ALK: variants seen among roughly 807,000 people sequenced by gnomAD.
ALK encodes ALK receptor tyrosine kinase.
A neutral mutation model predicts 163.1 loss-of-function variants in ALK; 74 were observed. The observed-to-expected ratio is 0.45, with a 90% CI of 0.38 to 0.55. The LOEUF (loss-of-function observed/expected upper bound fraction) is 0.55. Ranked by LOEUF, ALK falls within the 20% of genes least tolerant of loss-of-function variation. The pLI, the probability that ALK is intolerant of heterozygous loss-of-function variation, is 0.00. For synonymous variants in ALK, 960 were observed against 843.2 expected (o/e 1.14, Z -2.40); for missense variants, 2,063 against 2,105.3 (o/e 0.98, Z 0.39).
chr2:29,402,823 A>G (rs6732497), intron 4 of ALK, among the ~76,000 whole-genome samples: 3,931 of 152,236 alleles, frequency 0.026, 169 homozygotes, highest in African/African-American at 0.09. Context: ...CTCGCCAAGC[A>G]GCTCCAGCAC....
chr2:29,865,135 C>T (rs1046809151), intron 1 of ALK, among the ~76,000 whole-genome samples: 4 of 152,236 alleles, frequency 2.6e-5, no homozygotes, highest in Non-Finnish European at 5.9e-5. Flanking sequence ...GTCTTCCCAA[C>T]ATTGCCATGA....
At chr2:29,651,205 T>G (rs1677025886) in intron 3 of ALK, among the ~76,000 whole-genome samples, 2 of 152,118 alleles carry the variant, frequency 1.3e-5, no homozygotes, top group South Asian at 4.1e-4. Flanking sequence ...TCCAGACCAC[T>G]CTTCCTGACA....
intron 4 of ALK, among the ~76,000 whole-genome samples, chr2:29,483,450 G>A (rs1671711990): frequency 6.6e-6 from 1 of 152,098 alleles, no homozygotes; most frequent in African/African-American, 2.4e-5. Context: ...GGTATCTCCT[G>A]GGAGCTTTTT....
intron 5 of ALK, among the ~76,000 whole-genome samples, chr2:29,363,586 C>T (rs2148288081): frequency 6.6e-6 from 1 of 152,330 alleles, no homozygotes. Context: ...GCTACCTAGA[C>T]TGTAGTTGTC....
At chr2:29,481,101 A>G (rs762834465) in intron 4 of ALK, among the ~76,000 whole-genome samples, 61 of 152,318 alleles carry the variant, frequency 4.0e-4, no homozygotes, top group South Asian at 2.1e-4. Flanking sequence ...GATTTAGTGA[A>G]CGCGAGACCT....
intron 5 of ALK, among the ~76,000 whole-genome samples, chr2:29,353,197 T>A (rs2148281055): frequency 6.6e-6 from 1 of 152,304 alleles, no homozygotes; most frequent in East Asian, 1.9e-4. Flanking sequence ...ACTCAATGGA[T>A]CATCTGGCAC....
At chr2:29,721,925 T>C (rs1679434244) in intron 1 of ALK, among the ~76,000 whole-genome samples, 2 of 152,256 alleles carry the variant, frequency 1.3e-5, no homozygotes, top group African/African-American at 4.8e-5. Flanking sequence ...CGTGTTCTCT[T>C]AAATCCAACA....
chr2:29,221,293 G>C, intron 22 of ALK: 3 of 503,492 alleles, frequency 6.0e-6, no homozygotes, highest in South Asian at 4.9e-5. Context: ...AAAGGGGATG[G>C]CCTCACGAGT....
At position 29,289,947 on chromosome 2, in the gene ALK, G is replaced by A. The variant is rs140859295; in HGVS notation, c.1817+6941C>T. 5.0e-3 allele frequency among the ~76,000 whole-genome samples: 761 copies of A among 152,304 alleles called. 16 individuals carry two copies. In the East Asian group the frequency reaches 0.062, roughly 12 times the overall value. On this transcript the variant is annotated intron_variant, in intron 9 of 28. Transcript: ENST00000389048. The stretch of plus-strand genomic sequence containing the variant: ...CCCAGGACTCGTGTTCTGTGATGCC[G>A]TGGTCTTGTCTTCCCGCCAGCCTCC...
At chr2:29,829,492 C>T (rs1214385557) in intron 1 of ALK, among the ~76,000 whole-genome samples, 3 of 152,094 alleles carry the variant, frequency 2.0e-5, no homozygotes, top group East Asian at 1.9e-4. Context: ...CCCTTACTCT[C>T]GGTCCTACTG....
intron 23 of ALK, among the ~76,000 whole-genome samples, chr2:29,217,174 G>C (rs922415633): frequency 6.6e-6 from 1 of 150,920 alleles, no homozygotes; most frequent in Non-Finnish European, 1.5e-5. Context: ...GTATATGTCT[G>C]TGTGTTGTGT....
At chr2:29,471,680 T>A (rs1671350199) in intron 4 of ALK, among the ~76,000 whole-genome samples, 1 of 152,144 alleles carries the variant, frequency 6.6e-6, no homozygotes, top group Admixed American at 6.5e-5. Flanking sequence ...CGTTCCCACA[T>A]GCTCTCACAG....
At chr2:29,417,092 A>G (rs1377234479) in intron 4 of ALK, among the ~76,000 whole-genome samples, 2 of 140,690 alleles carry the variant, frequency 1.4e-5, no homozygotes, top group Non-Finnish European at 3.0e-5. Context: ...GGTTCACGCC[A>G]TTCTCCTACC....
chr2:29,911,113 T>C (rs183820815), intron 1 of ALK, among the ~76,000 whole-genome samples: 103 of 152,340 alleles, frequency 6.8e-4, no homozygotes, highest in Non-Finnish European at 1.1e-3. Context: ...ACCTCTTTTG[T>C]CTGTGAACTG....
chr2:29,877,083 A>G (rs1049948866), intron 1 of ALK, among the ~76,000 whole-genome samples: 1 of 152,244 alleles, frequency 6.6e-6, no homozygotes, highest in African/African-American at 2.4e-5. Flanking sequence ...CAGAGGTTCA[A>G]CGAAGTAATT....
intron 3 of ALK, among the ~76,000 whole-genome samples, chr2:29,688,133 G>C (rs1678291676): frequency 6.6e-6 from 1 of 152,188 alleles, no homozygotes; most frequent in Admixed American, 6.5e-5. Flanking sequence ...AGAGGATAAA[G>C]GTCTTTGAAA....
chr2:29,445,334 T>A (rs1166032507), intron 4 of ALK, among the ~76,000 whole-genome samples: 4 of 152,234 alleles, frequency 2.6e-5, no homozygotes, highest in Non-Finnish European at 4.4e-5. Flanking sequence ...TCTAGTAAAC[T>A]ATAAGCTGCT....
chr2:29,432,991 A>G (rs770331522), intron 4 of ALK, among the ~76,000 whole-genome samples: 6 of 152,206 alleles, frequency 3.9e-5, no homozygotes, highest in Non-Finnish European at 5.9e-5. Flanking sequence ...TAGATAGTCA[A>G]TAAGATCCTT....
intron 4 of ALK, among the ~76,000 whole-genome samples, chr2:29,503,306 T>C (rs116265704): frequency 9.1e-4 from 138 of 152,304 alleles, no homozygotes; most frequent in African/African-American, 3.2e-3. Context: ...AGGGATCTGG[T>C]CTATTGGATT....
Sources: gnomAD v4.1 joint callset for allele counts (sites outside exome capture counted in the v4.1 genomes callset) on GRCh38, gnomAD v4.1.1 for gene constraint, MANE v1.5 for transcripts, NCBI Gene and HGNC (gene_info 2026-07-23, HGNC 2026-07-21) for gene names.